PHF3: variants seen among roughly 807,000 people sequenced by gnomAD.
PHF3 encodes PHD finger protein 3.
A neutral mutation model predicts 178.4 loss-of-function variants in PHF3; 41 were observed. The observed-to-expected ratio is 0.23, with a 90% CI of 0.18 to 0.30. The LOEUF is 0.30. PHF3 is among the 10% of genes least tolerant of loss of function. The probability of loss-of-function intolerance (pLI) is 1.00; values close to 1 mark genes in which losing one functional copy is unlikely to be tolerated. For missense variants in PHF3, 2,346 were observed against 2,398.1 expected, an observed-to-expected ratio of 0.98 and a Z score of 0.45; for synonymous variants, 842 against 800.5, an observed-to-expected ratio of 1.05 and a Z score of -0.88.
intron 10 of PHF3, among the ~76,000 whole-genome samples, chr6:63,703,129 C>T (rs1050209883): frequency 3.3e-5 from 5 of 152,226 alleles, no homozygotes; most frequent in South Asian, 2.1e-4. Flanking sequence ...CTGCCCACCT[C>T]GGCCTCCCAA....
chr6:63,700,156 T>G (rs1231941207), intron 8 of PHF3, among the ~76,000 whole-genome samples, 194 bp from the exon 9 acceptor site: 2 of 152,234 alleles, frequency 1.3e-5, no homozygotes, highest in Non-Finnish European at 2.9e-5. Context: ...GATTTTTATA[T>G]GAAATGTGTG....
chr6:63,684,492 T>C lies in PHF3; in HGVS notation c.770T>C (p.Leu257Pro). 1.2e-6 allele frequency: 2 copies of C among 1,613,844 alleles called. No homozygotes were observed. Among genetic ancestry groups the C allele is most frequent in the Non-Finnish European group, 1.7e-6 (2 of 1,179,816 alleles). Reference sequence around the variant, plus strand: ...CCATCTCATGAATTAAATTGTTCACTTCTTTCAGAGACTTGTGTTACTATT... The same window carrying C: ...CCATCTCATGAATTAAATTGTTCACCTCTTTCAGAGACTTGTGTTACTATT... ...DVPSHELNCS[L>P]LSETCVTIGE... is the part of the protein sequence containing the mutation. The change falls in exon 4 of 16, where the codon CTT becomes CCT. Residue 257 changes from leucine (L) to proline (P), a missense_variant. Coordinates refer to ENST00000262043, the MANE Select transcript of PHF3 (RefSeq NM_001370348.2).
intron 1 of PHF3, among the ~76,000 whole-genome samples, chr6:63,640,351 A>G (rs1764521009): frequency 6.6e-6 from 1 of 152,226 alleles, no homozygotes; most frequent in South Asian, 2.1e-4. Flanking sequence ...AGTGTAATGC[A>G]GAGTGGATCT....
rs1464135657 is a variant in PHF3, at chr6:63,711,605, T to A, written c.4017T>A (p.Pro1339=). The A allele has an allele frequency of 6.3e-7, 1 of 1,590,462 alleles. No homozygotes were observed. The highest frequency in any genetic ancestry group is 1.4e-5 in the African/African-American group (1 of 73,106). Residue 1339 remains proline, a synonymous_variant, in exon 16 of 16, where the codon CCT becomes CCA. Transcript: ENST00000262043. ...ATACAGGGCTTGAACTGCATAGACC[T>A]AATCTATTGTTGGGCTTAATTATTC... is the stretch of plus-strand genomic sequence containing the variant. The part of the protein sequence containing the change: ...FDGPGLELHR[P]NLLLGLIIRQ...
chr6:63,655,033 A>G (rs2149549112), intron 2 of PHF3, among the ~76,000 whole-genome samples: 1 of 151,556 alleles, frequency 6.6e-6, no homozygotes, highest in East Asian at 1.9e-4. Flanking sequence ...TGTTGGGACT[A>G]CAGGTGTGTG....
At chr6:63,642,772 TG>T (rs1467468054) in intron 1 of PHF3, among the ~76,000 whole-genome samples, 1 of 152,162 alleles carries the variant, frequency 6.6e-6, no homozygotes, top group Non-Finnish European at 1.5e-5. Context: ...AAAATTTTAG[TG>T]TAAGAAACAG....
In PHF3 at chr6:63,713,609, C is replaced by T. The variant is rs2149615015; in HGVS notation, c.6021C>T (p.Asp2007=). Residue 2007 remains aspartate, a synonymous_variant, in exon 16 of 16, where the codon GAC becomes GAT. Transcript: ENST00000262043. ...CTAAAAGTGAAGACTATGAGAAGGA[C>T]AAAGAACGAGAGAAAAGTAAACACA... ...DKPKSEDYEK[D]KEREKSKHRE... is the part of the protein sequence containing the mutation. 3 of 1,613,152 alleles carry T rather than the reference C, an allele frequency of 1.9e-6. No homozygotes were observed. The East Asian group carries it at 6.7e-5, about 36-fold the overall frequency.
rs1407889509 is a variant in PHF3 at position 63,723,075 on chromosome 6, ATAAAG to A, written c.*9368_*9372del. On this transcript the variant is annotated 3_prime_UTR_variant, in exon 16 of 16. Transcript: ENST00000262043. ...TAAATAGATGCTAAATAATTATTAAATAAAGAAATACGTTTGTAGGGTTGTGGGTT... is the reference window on the plus strand; with the variant it reads ...TAAATAGATGCTAAATAATTATTAAAAAATACGTTTGTAGGGTTGTGGGTT... Among the ~76,000 whole-genome samples, 1 of 152,174 alleles carries A rather than the reference ATAAAG, an allele frequency of 6.6e-6. No homozygotes were observed. Among genetic ancestry groups the A allele is most frequent in the Non-Finnish European group, 1.5e-5 (1 of 68,040 alleles).
In PHF3 at chr6:63,685,107, A is replaced by G. The variant is rs1381529935; in HGVS notation, c.1385A>G (p.His462Arg). The G allele has an allele frequency of 2.5e-6, 4 of 1,614,084 alleles. No homozygotes were observed. The highest frequency in any genetic ancestry group is 3.3e-5 in the Admixed American group (2 of 60,014). Residue 462 changes from histidine to arginine, a missense_variant, in exon 4 of 16, where the codon CAT becomes CGT. Coordinates refer to ENST00000262043, the MANE Select transcript of PHF3 (RefSeq NM_001370348.2). ...NAIESTKIES[H>R]ETANLQDDRN... The stretch of plus-strand genomic sequence containing the variant: ...ATAGAAAGTACTAAAATAGAGTCCC[A>G]TGAAACAGCAAACCTTCAGGATGAC...
In PHF3 at chr6:63,716,915, C is replaced by T. The variant is rs1255600499; in HGVS notation, c.*3207C>T. Among the ~76,000 whole-genome samples, 1 of 152,054 alleles carries T rather than the reference C, an allele frequency of 6.6e-6. No individual in the cohort carries two copies. Among genetic ancestry groups the T allele is most frequent in the Non-Finnish European group, 1.5e-5 (1 of 67,978 alleles). On this transcript the variant is annotated 3_prime_UTR_variant, in exon 16 of 16. Transcript: ENST00000262043. ...AGCTGATGAGCAACTTAAATTCCAT[C>T]TGTGACCTTAATTCCCTATTCCCAT...
Position 63,721,469 on chromosome 6 carries a change from A to G in PHF3, c.*7761A>G. On this transcript the variant is annotated 3_prime_UTR_variant, in exon 16 of 16. Coordinates refer to ENST00000262043, the MANE Select transcript of PHF3 (RefSeq NM_001370348.2). ...ATTCAGTTAATTGTAATTCTTGATT[A>G]TTTATGATAACTTGTCGGATACAGC... The G allele has an allele frequency of 6.4e-7, 1 of 1,551,622 alleles. No individual in the cohort carries two copies. The highest frequency in any genetic ancestry group is 8.7e-7 in the Non-Finnish European group (1 of 1,146,890).
Position 63,677,572 on chromosome 6 carries a change from A to T in PHF3, c.245-2428A>T, listed in dbSNP as rs1378617968. Among the ~76,000 whole-genome samples, 4 of 152,294 alleles carry T rather than the reference A, an allele frequency of 2.6e-5. No individual in the cohort carries two copies. In the East Asian group the frequency reaches 7.7e-4, roughly 29 times the overall value. On this transcript the variant is annotated intron_variant, in intron 2 of 15. Coordinates refer to ENST00000262043, the MANE Select transcript of PHF3 (RefSeq NM_001370348.2). ...GCTTTGTAATACAGCTCTAAAATTC[A>T]TTACATGACTTCACTCCCTGTCAAC...
At position 63,720,481 on chromosome 6, in the gene PHF3, G is replaced by T; in HGVS notation, c.*6773G>T. 3 of 707,710 alleles carry T rather than the reference G, an allele frequency of 4.2e-6. No individual in the cohort carries two copies. Among genetic ancestry groups the T allele is most frequent in the Non-Finnish European group, 6.6e-6 (3 of 453,740 alleles). The allele number at this position is 707,710 out of a possible 1,614,324, so 43.8% of individuals were successfully genotyped here. On this transcript the variant is annotated 3_prime_UTR_variant, in exon 16 of 16. Coordinates refer to ENST00000262043, the MANE Select transcript of PHF3 (RefSeq NM_001370348.2). ...TATCAAAAAGATATGTTAGCATTTA[G>T]ACTATTTCAGGTAATATAGTAAACA...
intron 9 of PHF3, 136 bp downstream of exon 9, chr6:63,700,602 T>G: frequency 1.9e-6 from 1 of 527,616 alleles, no homozygotes; most frequent in Non-Finnish European, 3.5e-6. Context: ...CTTTTTTTTT[T>G]GAGATGGCGT....
rs766434736 is a variant in PHF3, at chr6:63,712,904, A to G, written c.5316A>G (p.Pro1772=). 7.4e-6 allele frequency: 12 copies of G among 1,613,948 alleles called. No homozygotes were observed. In the South Asian group the frequency reaches 9.9e-5, roughly 13 times the overall value. ...ATTTTGAAGTTGGAAACACATGTCC[A>G]TCAGAATTTCCTTCTAAAAGCATCA... ...TSHFEVGNTC[P]SEFPSKSITF... Residue 1772 remains proline, a synonymous_variant, in exon 16 of 16, where the codon CCA becomes CCG. Coordinates refer to ENST00000262043, the MANE Select transcript of PHF3 (RefSeq NM_001370348.2).
intron 5 of PHF3, among the ~76,000 whole-genome samples, chr6:63,693,893 G>A (rs769863440): frequency 3.2e-4 from 48 of 152,196 alleles, no homozygotes; most frequent in Non-Finnish European, 5.3e-4. Context: ...TGCCTTGGGT[G>A]TATAATATTG....
At position 63,698,461 on chromosome 6, in the gene PHF3, A is replaced by C. The variant is rs771586832; in HGVS notation, c.2838A>C (p.Ser946=). 3 of 1,593,116 alleles carry C rather than the reference A, an allele frequency of 1.9e-6. No homozygotes were observed. The highest frequency in any genetic ancestry group is 2.6e-6 in the Non-Finnish European group (3 of 1,172,238). ...KDILMKRLTD[S]NLKVPEEKAA... ...TTCTAATTTTAAGACTTACAGACTC[A>C]AATTTGAAGGTACCAGAGGAAAAGG... is the stretch of plus-strand genomic sequence containing the variant. The change falls in exon 8 of 16, where the codon TCA becomes TCC. Residue 946 remains serine, a synonymous_variant. Transcript: ENST00000262043.
rs772305199 is a variant in PHF3 at position 63,713,231 on chromosome 6, G to A, written c.5643G>A (p.Pro1881=). ...CACAAGCATCAAGGTATATAGGCCC[G>A]CAGAATTTTTACCAGGTTAAAGACA... The part of the protein sequence containing the change: ...PLSQASRYIG[P]QNFYQVKDIR... Residue 1881 remains proline, a synonymous_variant, in exon 16 of 16, where the codon CCG becomes CCA. Transcript: ENST00000262043. The A allele has an allele frequency of 5.9e-5, 95 of 1,613,842 alleles. No individual in the cohort carries two copies. Among genetic ancestry groups the A allele is most frequent in the Non-Finnish European group, 7.4e-5 (87 of 1,179,954 alleles).
intron 3 of PHF3, among the ~76,000 whole-genome samples, chr6:63,683,100 TTTG>T (rs1014211574): frequency 9.2e-5 from 14 of 152,068 alleles, no homozygotes; most frequent in Admixed American, 7.2e-4. Context: ...ACTCAGATAC[TTTG>T]TTGTGTCCTA....
Sources: allele counts gnomAD v4.1 joint callset (sites outside exome capture counted in the v4.1 genomes callset), GRCh38; gene constraint gnomAD v4.1.1; transcripts MANE v1.5; gene names NCBI Gene and HGNC (gene_info 2026-07-23, HGNC 2026-07-21).